PAFAH2: variants seen among roughly 807,000 people sequenced by gnomAD.
The protein encoded by PAFAH2 is platelet-activating factor acetylhydrolase 2, cytoplasmic.
PAFAH2 carries 42 observed loss-of-function variants against 49.0 expected under a neutral mutation model. That is an observed-to-expected ratio of 0.86 (90% CI 0.67 to 1.11). The LOEUF is 1.11. Ranked by LOEUF, PAFAH2 falls within the 50% of genes least tolerant of loss-of-function variation. The pLI is 0.00. For synonymous variants in PAFAH2, 184 were observed against 181.3 expected (o/e 1.01, Z -0.12); for missense variants, 503 against 501.8 (o/e 1.00, Z -0.02).
chr1:25,963,091 C>A (rs920454491), intron 10 of PAFAH2, among the ~76,000 whole-genome samples: 1 of 152,156 alleles, frequency 6.6e-6, no homozygotes, highest in African/African-American at 2.4e-5. Flanking sequence ...GGGAGCAGGG[C>A]AAGCTAAGCA....
chr1:25,983,803 C>T, intron 6 of PAFAH2, 143 bp downstream of exon 6: 1 of 896,492 alleles, frequency 1.1e-6, no homozygotes, highest in Admixed American at 2.3e-5. Context: ...TGATTAATAT[C>T]CTATGTATTT....
chr1:25,988,238 C>G lies in PAFAH2; in HGVS notation c.334G>C (p.Ala112Pro). 1 of 1,603,230 alleles carries G rather than the reference C, an allele frequency of 6.2e-7. No individual in the cohort carries two copies. The highest frequency in any genetic ancestry group is 8.5e-7 in the Non-Finnish European group (1 of 1,174,414). The change falls in exon 4 of 11, where the codon GCC becomes CCC. Residue 112 changes from alanine to proline, a missense_variant. Physicochemically the swap from Ala to Pro is conservative, Grantham distance 27. Transcript: ENST00000374282. ...PLIIFSHGLG[A>P]FRTLYSAFCM... is the part of the protein sequence containing the mutation. ...GGGGAAAGAAGCTCTTACCTGAAGGCTCCTAGGCCATGGGAGAAGATGATC... is the reference window on the plus strand; with the variant it reads ...GGGGAAAGAAGCTCTTACCTGAAGGGTCCTAGGCCATGGGAGAAGATGATC...
At position 25,982,379 on chromosome 1, in the gene PAFAH2, AT is replaced by A. The variant is rs753039672; in HGVS notation, c.650del (p.Asp217ValfsTer2). 1 of 1,613,790 alleles carries A rather than the reference AT, an allele frequency of 6.2e-7. No homozygotes were observed. The highest frequency in any genetic ancestry group is 8.5e-7 in the Non-Finnish European group (1 of 1,179,732). ...TVFNILPGGLDLMTLKGNIDM... is the reference protein window; with the variant it reads ...TVFNILPGGLXLMTLKGNIDM... ...GCTTCCATACCTTCAAAGTCATCAG[AT>A]CCAAGCCACCAGGCAAGATGTTGAA... On this transcript the variant is annotated frameshift_variant, in exon 7 of 11. Transcript: ENST00000374282. LOFTEE classifies it high-confidence loss of function.
chr1:25,989,501 T>G lies in PAFAH2; in HGVS notation c.191A>C (p.Glu64Ala). ...PRYEYCTGLA[E>A]YLQFNKRCGG... ...GCAGCGCTTATTAAACTGCAGGTAC[T>G]CGGCCAGGCCAGTGCAGTACTCATA... Residue 64 changes from glutamate (E) to alanine (A), a missense_variant, in exon 3 of 11, where the codon GAG becomes GCG. Glu to Ala is a moderately radical substitution (Grantham distance 107). Coordinates refer to ENST00000374282, the MANE Select transcript of PAFAH2 (RefSeq NM_000437.4). The G allele has an allele frequency of 6.2e-7, 1 of 1,611,748 alleles. No individual in the cohort carries two copies. Among genetic ancestry groups the G allele is most frequent in the Non-Finnish European group, 8.5e-7 (1 of 1,178,756 alleles).
chr1:25,979,402 A>G (rs2049646780), intron 7 of PAFAH2, among the ~76,000 whole-genome samples: 1 of 148,294 alleles, frequency 6.7e-6, no homozygotes. Flanking sequence ...TGCAACCTCC[A>G]CCTCCTAGGC....
chr1:25,996,014 A>C (rs2049931657), intron 1 of PAFAH2, among the ~76,000 whole-genome samples: 1 of 152,198 alleles, frequency 6.6e-6, no homozygotes, highest in Non-Finnish European at 1.5e-5. Context: ...GTGATCTTGA[A>C]CAAGTTCCTC....
intron 2 of PAFAH2, 28 bp downstream of exon 2, chr1:25,990,699 C>T: frequency 6.3e-7 from 1 of 1,581,968 alleles, no homozygotes; most frequent in Non-Finnish European, 8.7e-7. Context: ...GCAGTGCAAA[C>T]AGAAGAAAGG....
chr1:25,982,434 A>G lies in PAFAH2; in HGVS notation c.596T>C (p.Leu199Pro), dbSNP rs749188218. Residue 199 changes from leucine (L) to proline (P), a missense_variant, in exon 7 of 11, where the codon CTG becomes CCG. Leu to Pro is a moderately conservative substitution (Grantham distance 98). Transcript: ENST00000374282. The stretch of plus-strand genomic sequence containing the variant: ...AGTCTGCCCAGCAGTGACCTCTTGC[A>G]GGATCTTCAACACCCGTAAACACTC... ...VSECLRVLKI[L>P]QEVTAGQTVF... is the part of the protein sequence containing the mutation. The G allele has an allele frequency of 3.1e-6, 5 of 1,614,074 alleles. No homozygotes were observed. In the African/African-American group the frequency reaches 6.7e-5, roughly 22 times the overall value.
intron 9 of PAFAH2, among the ~76,000 whole-genome samples, chr1:25,973,426 A>C (rs1323188223): frequency 1.3e-5 from 2 of 152,232 alleles, no homozygotes; most frequent in Non-Finnish European, 2.9e-5. Flanking sequence ...TGCATTAGTT[A>C]AGGCACACAA....
chr1:25,994,388 C>G (rs2049912906), intron 1 of PAFAH2, among the ~76,000 whole-genome samples: 1 of 152,154 alleles, frequency 6.6e-6, no homozygotes, highest in South Asian at 2.1e-4. Context: ...GCCTTAGCCT[C>G]CCAAGGTGCT....
chr1:25,987,492 G>C (rs559833135), intron 4 of PAFAH2, among the ~76,000 whole-genome samples: 2 of 152,192 alleles, frequency 1.3e-5, no homozygotes, highest in East Asian at 3.9e-4. Context: ...AGCACTTTGG[G>C]AGGCCGAGGC....
intron 1 of PAFAH2, among the ~76,000 whole-genome samples, chr1:25,993,502 C>T (rs1240445786): frequency 6.6e-6 from 1 of 152,196 alleles, no homozygotes; most frequent in Non-Finnish European, 1.5e-5. Context: ...TGGTTGTCAG[C>T]TGCCACTTGT....
At chr1:25,977,189 A>ATT (rs2049606103) in intron 7 of PAFAH2, among the ~76,000 whole-genome samples, 1 of 150,192 alleles carries the variant, frequency 6.7e-6, no homozygotes. Context: ...CGCCCGGCTA[A>ATT]TTTTTTGTAT....
chr1:25,960,018 G>C lies in PAFAH2; in HGVS notation c.*1971C>G, dbSNP rs531124501. The C allele has an allele frequency of 2.6e-5, 4 of 152,188 alleles. No individual in the cohort carries two copies. The highest frequency in any genetic ancestry group is 4.4e-5 in the Non-Finnish European group (3 of 68,032). The allele number at this position is 152,188 out of a possible 1,614,324, so 9.4% of individuals were successfully genotyped here. On this transcript the variant is annotated 3_prime_UTR_variant, in exon 11 of 11. Coordinates refer to ENST00000374282, the MANE Select transcript of PAFAH2 (RefSeq NM_000437.4). The stretch of plus-strand genomic sequence containing the variant: ...CTTAATCCTCCTAACTATTCATAAC[G>C]CAGACCCTCATTTTAGAAACGCAGG...
chr1:25,975,529 G>A (rs190911341), intron 8 of PAFAH2, among the ~76,000 whole-genome samples: 3 of 152,182 alleles, frequency 2.0e-5, no homozygotes, highest in Admixed American at 2.0e-4. Context: ...TGAGCTGATT[G>A]TACCACTGCA....
chr1:25,981,655 G>A (rs2049690110), intron 7 of PAFAH2, among the ~76,000 whole-genome samples: 1 of 152,202 alleles, frequency 6.6e-6, no homozygotes, highest in Non-Finnish European at 1.5e-5. Context: ...TGGCCCAGAG[G>A]GGCATGAGAC....
rs776470771 is a variant in PAFAH2, at chr1:25,972,620, TC to T, written c.1021del (p.Asp341ThrfsTer23). The T allele has an allele frequency of 6.2e-7, 1 of 1,613,806 alleles. No individual in the cohort carries two copies. Among genetic ancestry groups the T allele is most frequent in the Non-Finnish European group, 8.5e-7 (1 of 1,179,848 alleles). ...FFSTETRGSLDPYEGQEVMVR... is the reference protein window; with the variant it reads ...FFSTETRGSLXPYEGQEVMVR... Reference sequence around the variant, plus strand: ...CATAACCTCCTGCCCTTCATAGGGGTCCAGGCTCCCACGGGTTTCAGTGGAG... The same window carrying T: ...CATAACCTCCTGCCCTTCATAGGGGTCAGGCTCCCACGGGTTTCAGTGGAG... On this transcript the variant is annotated frameshift_variant, in exon 10 of 11. Coordinates refer to ENST00000374282, the MANE Select transcript of PAFAH2 (RefSeq NM_000437.4). LOFTEE classifies it high-confidence loss of function.
At chr1:25,991,895 AAAAC>A (rs772811813) in intron 1 of PAFAH2, among the ~76,000 whole-genome samples, 72 of 152,150 alleles carry the variant, frequency 4.7e-4, no homozygotes, top group East Asian at 3.3e-3. Flanking sequence ...CCTGTCTCAA[AAAAC>A]AAACAAACAA....
chr1:25,979,114 A>C (rs2049640187), intron 7 of PAFAH2, among the ~76,000 whole-genome samples: 1 of 152,226 alleles, frequency 6.6e-6, no homozygotes, highest in Non-Finnish European at 1.5e-5. Flanking sequence ...CATGTCCTCC[A>C]TGGGACAATT....
Sources: gnomAD v4.1 joint callset for allele counts (sites outside exome capture counted in the v4.1 genomes callset) on GRCh38, gnomAD v4.1.1 for gene constraint, MANE v1.5 for transcripts, NCBI Gene and HGNC (gene_info 2026-07-23, HGNC 2026-07-21) for gene names.